The following SIMC1 variants were observed in gnomAD, a reference collection of about 807,000 sequenced individuals.
The protein encoded by SIMC1 is SUMO-interacting motif-containing protein 1.
A neutral mutation model predicts 82.3 loss-of-function variants in SIMC1; 55 were observed. That is an observed-to-expected ratio of 0.67 (90% CI 0.54 to 0.84). The LOEUF (loss-of-function observed/expected upper bound fraction) is 0.84. Ranked by LOEUF, SIMC1 falls within the 40% of genes least tolerant of loss-of-function variation. SIMC1 has a pLI of 0.00. For synonymous variants in SIMC1, 353 were observed against 426.3 expected, an observed-to-expected ratio of 0.83 and a Z score of 2.12; for missense variants, 915 against 1,107.2, an observed-to-expected ratio of 0.83 and a Z score of 2.46.
intron 1 of SIMC1, among the ~76,000 whole-genome samples, chr5:176,250,645 C>T (rs1401210927): frequency 6.6e-6 from 1 of 152,168 alleles, no homozygotes; most frequent in Non-Finnish European, 1.5e-5. Flanking sequence ...CGGGATGCTC[C>T]TGTATTGGGT....
chr5:176,296,363 T>C (rs1763816448), intron 4 of SIMC1, 43 bp downstream of exon 4: 2 of 1,612,666 alleles, frequency 1.2e-6, no homozygotes, highest in Admixed American at 1.7e-5. Flanking sequence ...GGGGAAGTTT[T>C]AACTATAAAG....
Position 176,297,398 on chromosome 5 carries a change from A to G in SIMC1, c.1734+1078A>G, listed in dbSNP as rs541605958. 2.0e-5 allele frequency among the ~76,000 whole-genome samples: 3 copies of G among 150,626 alleles called. No homozygotes were observed. The South Asian group carries it at 6.4e-4, about 32-fold the overall frequency. ...ATGCCTGTAATCCCAGCTACTCGGA[A>G]GGCTGAGGTAGGAGAATTGCTTGAA... On this transcript the variant is annotated intron_variant, in intron 4 of 9. Transcript: ENST00000429602.
chr5:176,252,836 C>G (rs928342334), intron 1 of SIMC1, among the ~76,000 whole-genome samples: 2 of 152,226 alleles, frequency 1.3e-5, no homozygotes, highest in African/African-American at 4.8e-5. Flanking sequence ...CCACTGCACT[C>G]CAGCCTGGGC....
At chr5:176,266,021 C>T (rs1762196350) in intron 1 of SIMC1, among the ~76,000 whole-genome samples, 4 of 152,154 alleles carry the variant, frequency 2.6e-5, no homozygotes, top group African/African-American at 9.7e-5. Flanking sequence ...AGGGGAGCAA[C>T]TGACTCTCTC....
chr5:176,283,611 A>G (rs1469169758), intron 1 of SIMC1, among the ~76,000 whole-genome samples: 1 of 152,232 alleles, frequency 6.6e-6, no homozygotes, highest in African/African-American at 2.4e-5. Flanking sequence ...AAGAAACTGC[A>G]TCAACTAATG....
chr5:176,261,023 T>G (rs559431677), intron 1 of SIMC1: 1 of 152,348 alleles, frequency 6.6e-6, no homozygotes, highest in African/African-American at 2.4e-5. Flanking sequence ...TCTTTTTTTT[T>G]TCAGACGGTG....
chr5:176,335,088 C>T (rs990414332), intron 7 of SIMC1, among the ~76,000 whole-genome samples: 1 of 150,738 alleles, frequency 6.6e-6, no homozygotes, highest in African/African-American at 2.4e-5. Flanking sequence ...AAGAGCGAAA[C>T]TCTGTCTCAA....
At chr5:176,249,604 G>A (rs900420462) in intron 1 of SIMC1, among the ~76,000 whole-genome samples, 1 of 151,920 alleles carries the variant, frequency 6.6e-6, no homozygotes, top group South Asian at 2.1e-4. Flanking sequence ...ACTTTGGAAG[G>A]CTGAGGTGGG....
chr5:176,272,384 C>A (rs1199755519), intron 1 of SIMC1, among the ~76,000 whole-genome samples: 44 of 143,240 alleles, frequency 3.1e-4, no homozygotes, highest in African/African-American at 2.4e-4. Context: ...TGCAATAAGG[C>A]AAAAAAAAAA....
At chr5:176,287,629 T>A (rs1332731817) in intron 1 of SIMC1, among the ~76,000 whole-genome samples, 2 of 140,162 alleles carry the variant, frequency 1.4e-5, no homozygotes, top group Non-Finnish European at 3.1e-5. Context: ...TAAAATATAA[T>A]AATTTTTTAA....
chr5:176,292,256 G>A (rs976059867), intron 2 of SIMC1, among the ~76,000 whole-genome samples: 1 of 152,118 alleles, frequency 6.6e-6, no homozygotes, highest in African/African-American at 2.4e-5. Context: ...ATTGATTTAT[G>A]AGAAGTAAAC....
chr5:176,269,757 T>G (rs955130322), intron 1 of SIMC1, among the ~76,000 whole-genome samples: 2 of 152,168 alleles, frequency 1.3e-5, no homozygotes, highest in African/African-American at 4.8e-5. Flanking sequence ...AAATTTTTTT[T>G]TTCTGAGAGA....
intron 1 of SIMC1, among the ~76,000 whole-genome samples, chr5:176,289,145 G>A (rs1402699433): frequency 6.6e-6 from 1 of 152,120 alleles, no homozygotes; most frequent in Non-Finnish European, 1.5e-5. Flanking sequence ...ATAATCTTAA[G>A]GTAGATAACC....
At chr5:176,271,961 A>G (rs1179915653) in intron 1 of SIMC1, among the ~76,000 whole-genome samples, 1 of 145,180 alleles carries the variant, frequency 6.9e-6, no homozygotes, top group African/African-American at 2.5e-5. Context: ...TATATTATGT[A>G]TATAATGTAT....
intron 5 of SIMC1, among the ~76,000 whole-genome samples, chr5:176,320,294 G>A (rs1055717389): frequency 6.6e-6 from 1 of 151,908 alleles, no homozygotes; most frequent in Non-Finnish European, 1.5e-5. Flanking sequence ...AGTTCTAGAG[G>A]TCTAAAAATT....
Position 176,238,495 on chromosome 5 carries a change from C to G in SIMC1, c.-14C>G, listed in dbSNP as rs559100353. 1.7e-4 allele frequency: 221 copies of G among 1,266,970 alleles called. No homozygotes were observed. In the African/African-American group the frequency reaches 3.2e-3, roughly 19 times the overall value. The allele number at this position is 1,266,970 out of a possible 1,614,324, so 78.5% of individuals were successfully genotyped here. On this transcript the variant is annotated 5_prime_UTR_variant, in exon 1 of 10. Transcript: ENST00000429602. ...CGCCGCCACTGCCTGGGTCTTCGGT[C>G]GGGGCCCGCAGCCATGGAGGATTTC...
intron 5 of SIMC1, among the ~76,000 whole-genome samples, chr5:176,321,267 A>G (rs1032868666): frequency 6.6e-6 from 1 of 152,034 alleles, no homozygotes; most frequent in Non-Finnish European, 1.5e-5. Context: ...AGATTTGTCC[A>G]TATTGTTGCC....
At chr5:176,296,180 A>G (rs1763806693) in intron 3 of SIMC1, 71 bp from the exon 4 acceptor site, 9 of 1,596,996 alleles carry the variant, frequency 5.6e-6, no homozygotes, top group African/African-American at 4.0e-5. Context: ...TCTTCCTTCT[A>G]TCACCTTCAG....
At chr5:176,271,844 T>C (rs1762438716) in intron 1 of SIMC1, among the ~76,000 whole-genome samples, 2 of 147,298 alleles carry the variant, frequency 1.4e-5, no homozygotes, top group South Asian at 4.2e-4. Context: ...ATATCTCATG[T>C]ACCCCATAGA....
Sources: gnomAD v4.1 joint callset for allele counts (sites outside exome capture counted in the v4.1 genomes callset) on GRCh38, gnomAD v4.1.1 for gene constraint, MANE v1.5 for transcripts, NCBI Gene and HGNC (gene_info 2026-07-23, HGNC 2026-07-21) for gene names.